The following PACS2 variants were observed in gnomAD, a reference collection of about 807,000 sequenced individuals.
The protein encoded by PACS2 is phosphofurin acidic cluster sorting protein 2, also known as PACS1-like protein.
Under a neutral mutation model 113.0 loss-of-function variants are expected in PACS2, and 36 were observed. The ratio of observed to expected loss-of-function variants is 0.32; its 90% CI spans 0.24 to 0.42. The LOEUF is 0.42. Ranked by LOEUF, PACS2 falls within the 10% of genes least tolerant of loss-of-function variation. PACS2 has a pLI of 1.00. For synonymous variants in PACS2, 589 were observed against 536.1 expected (o/e 1.10, Z -1.36); for missense variants, 1,015 against 1,239.5 (o/e 0.82, Z 2.72).
Position 105,369,889 on chromosome 14 carries a change from G to A in PACS2, c.790G>A (p.Val264Met), listed in dbSNP as rs782043163. The A allele has an allele frequency of 1.2e-6, 2 of 1,603,488 alleles. No individual in the cohort carries two copies. Among genetic ancestry groups the A allele is most frequent in the South Asian group, 1.1e-5 (1 of 90,212 alleles). Residue 264 changes from valine (V) to methionine (M), a missense_variant, in exon 8 of 25, where the codon GTG becomes ATG. Val to Met is a conservative substitution (Grantham distance 21). Transcript: ENST00000447393. ...GGTAGCGCTGCTGCGGAGGTTCAAA[G>A]TGTCCGACGAGGTGAGTGCGCCGCG... ...KVVALLRRFKVSDEVLDSEQD... is the reference protein window; with the variant it reads ...KVVALLRRFKMSDEVLDSEQD...
Position 105,348,716 on chromosome 14 carries a change from CG to C in PACS2, c.207+142del. On this transcript the variant is annotated intron_variant, in intron 2 of 24. Transcript: ENST00000447393. The surrounding 1 kb of genome is among the most constrained non-coding windows in gnomAD (Gnocchi z 6.4). ...GCAGCCCATGCCATCTCCGGGAGCC[CG>C]GGGGGCTGGGAATGACAGGATGCTC... 3 of 693,854 alleles carry C rather than the reference CG, an allele frequency of 4.3e-6. No individual in the cohort carries two copies. The highest frequency in any genetic ancestry group is 1.8e-5 in the African/African-American group (1 of 56,038). 43.0% of individuals were successfully genotyped at this position (693,854 alleles called of 1,614,324 possible).
intron 1 of PACS2, among the ~76,000 whole-genome samples, chr14:105,342,696 G>T (rs1210263511): frequency 1.3e-5 from 2 of 151,892 alleles, no homozygotes; most frequent in East Asian, 2.0e-4. Flanking sequence ...CACTTCAGGA[G>T]GCCGAGGTGG....
At chr14:105,325,367 C>T (rs892497122) in intron 1 of PACS2, among the ~76,000 whole-genome samples, 1 of 152,180 alleles carries the variant, frequency 6.6e-6, no homozygotes, top group African/African-American at 2.4e-5. Flanking sequence ...GAAGGGCCTT[C>T]AGTCCCCATG....
chr14:105,355,153 C>A lies in PACS2; in HGVS notation c.399C>A (p.Ala133=), dbSNP rs782569931. ...CCATCCTGGGCTACAAGACGCTGGCCGCGGGCTCCATCAGCATGGCTGAGG... is the reference window on the plus strand; with the variant it reads ...CCATCCTGGGCTACAAGACGCTGGCAGCGGGCTCCATCAGCATGGCTGAGG... ...NRTILGYKTL[A]AGSISMAEVM... is the part of the protein sequence containing the mutation. Residue 133 remains alanine, a synonymous_variant, in exon 4 of 25, where the codon GCC becomes GCA. Transcript: ENST00000447393. This position sits in a 1 kb window ranked among gnomAD's most constrained non-coding sequence, Gnocchi z 4.1. 2 of 1,613,272 alleles carry A rather than the reference C, an allele frequency of 1.2e-6. No homozygotes were observed. The highest frequency in any genetic ancestry group is 3.3e-5 in the Admixed American group (2 of 59,996).
intron 13 of PACS2, 64 bp downstream of exon 13, chr14:105,382,122 AGCAGGGC>A: frequency 6.7e-7 from 1 of 1,484,522 alleles, no homozygotes; most frequent in Admixed American, 2.2e-5. Flanking sequence ...CACCAACCAG[AGCAGGGC>A]AAAAAGAGAA....
intron 4 of PACS2, among the ~76,000 whole-genome samples, chr14:105,360,591 C>T (rs1038890411): frequency 1.3e-5 from 2 of 151,384 alleles, no homozygotes; most frequent in African/African-American, 2.4e-5. Context: ...TCTGAGCCTT[C>T]GGGGAGTTGT....
In PACS2 at chr14:105,389,985, G is replaced by A; in HGVS notation, c.2058G>A (p.Lys686=). 1 of 1,614,028 alleles carries A rather than the reference G, an allele frequency of 6.2e-7. No individual in the cohort carries two copies. The highest frequency in any genetic ancestry group is 8.5e-7 in the Non-Finnish European group (1 of 1,179,944). ...TLSPDEESSQ[K]FIPFVGVVKV... ...GCCCTGACGAAGAGTCCTCCCAAAA[G>A]TTCATTCCCTTTGTCGGGGTGAGTA... Residue 686 remains lysine, a synonymous_variant, in exon 20 of 25, where the codon AAG becomes AAA. Coordinates refer to ENST00000447393, the MANE Select transcript of PACS2 (RefSeq NM_001100913.3).
upstream of PACS2, among the ~76,000 whole-genome samples, chr14:105,312,439 T>C (rs966431119): frequency 6.6e-6 from 1 of 152,222 alleles, no homozygotes; most frequent in Non-Finnish European, 1.5e-5. Context: ...ATCCTCTTCT[T>C]GGACCTCCTC....
intron 19 of PACS2, 180 bp from the exon 20 acceptor site, chr14:105,389,781 G>T (rs2081295428): frequency 1.5e-6 from 1 of 655,170 alleles, no homozygotes; most frequent in African/African-American, 1.8e-5. Context: ...GCCAGGCCAG[G>T]GCTGGCAGTG....
chr14:105,396,223 CCAGCCCCTCCCAGCCA>C lies in PACS2; in HGVS notation c.*1552_*1567del, dbSNP rs1389518016. ...TAGCCTGTGTGCAGGAGGCAGAGCCCCAGCCCCTCCCAGCCAGAGCCCCTCCACACCAGGGACTCCT... is the reference window on the plus strand; with the variant it reads ...TAGCCTGTGTGCAGGAGGCAGAGCCCGAGCCCCTCCACACCAGGGACTCCT... On this transcript the variant is annotated 3_prime_UTR_variant, in exon 25 of 25. Transcript: ENST00000447393. The C allele has an allele frequency of 2.6e-5, 4 of 152,358 alleles. No individual in the cohort carries two copies. The highest frequency in any genetic ancestry group is 4.8e-5 in the African/African-American group (2 of 41,424). 9.4% of individuals were successfully genotyped at this position (152,358 alleles called of 1,614,324 possible).
intron 1 of PACS2, among the ~76,000 whole-genome samples, chr14:105,333,929 G>T (rs1441084862): frequency 1.3e-5 from 2 of 152,172 alleles, no homozygotes; most frequent in African/African-American, 4.8e-5. Context: ...TGCCTCACCC[G>T]GGCTAAAATA....
intron 1 of PACS2, among the ~76,000 whole-genome samples, chr14:105,302,204 C>CTTTT (rs1274491955): frequency 1.5e-5 from 2 of 132,784 alleles, no homozygotes; most frequent in South Asian, 2.6e-4. Context: ...TTTTTTCTTT[C>CTTTT]TTTTTTTTTT....
chr14:105,377,462 G>A (rs951940426), intron 9 of PACS2, among the ~76,000 whole-genome samples: 10 of 152,126 alleles, frequency 6.6e-5, no homozygotes, highest in Non-Finnish European at 1.3e-4. Flanking sequence ...ATGGGTCTGG[G>A]TATGGAGGCC....
At chr14:105,344,813 C>T (rs2059858346) in intron 1 of PACS2, among the ~76,000 whole-genome samples, 1 of 152,128 alleles carries the variant, frequency 6.6e-6, no homozygotes, top group African/African-American at 2.4e-5. Context: ...CTTCTAGTTT[C>T]TTAAGATGGA....
At position 105,324,368 on chromosome 14, in the gene PACS2, A is replaced by G. The variant is rs2059015683; in HGVS notation, c.119+9331A>G. ...AGGGGTGGCAGGATGGAGGTTGTAC[A>G]GTGCTTTCCCCAGGACCAGGGGGCA... On this transcript the variant is annotated intron_variant, in intron 1 of 24. Transcript: ENST00000447393. This position sits in a 1 kb window ranked among gnomAD's most constrained non-coding sequence, Gnocchi z 4.7. Among the ~76,000 whole-genome samples, 1 of 152,018 alleles carries G rather than the reference A, an allele frequency of 6.6e-6. No individual in the cohort carries two copies. Among genetic ancestry groups the G allele is most frequent in the Admixed American group, 6.5e-5 (1 of 15,276 alleles).
chr14:105,333,976 A>C (rs948672219), intron 1 of PACS2, among the ~76,000 whole-genome samples: 1 of 152,182 alleles, frequency 6.6e-6, no homozygotes, highest in Admixed American at 6.5e-5. Context: ...GGCAGGGCCC[A>C]TTCCTGCTGG....
intron 18 of PACS2, among the ~76,000 whole-genome samples, chr14:105,385,472 G>A (rs999624771): frequency 8.5e-5 from 13 of 152,134 alleles, no homozygotes; most frequent in African/African-American, 1.4e-4. Flanking sequence ...CCCGCCCGGC[G>A]CCTCCTCCCT....
rs782228619 is a variant in PACS2 at position 105,355,221 on chromosome 14, G to A, written c.423+44G>A. 21 of 1,594,510 alleles carry A rather than the reference G, an allele frequency of 1.3e-5. No homozygotes were observed. Among genetic ancestry groups the A allele is most frequent in the Non-Finnish European group, 1.7e-5 (20 of 1,169,608 alleles). On this transcript the variant is annotated intron_variant, in intron 4 of 24. Transcript: ENST00000447393. This position sits in a 1 kb window ranked among gnomAD's most constrained non-coding sequence, Gnocchi z 4.1. ...GTGGCCTGCGTCGGGCTGGCCACCT[G>A]GGTGCCAGAGCATTCGCCCGTGGGA...
chr14:105,305,964 G>A (rs587776065), intron 1 of PACS2, among the ~76,000 whole-genome samples: 6 of 152,382 alleles, frequency 3.9e-5, no homozygotes, highest in Admixed American at 2.6e-4. Context: ...TGTAAACAGG[G>A]AGAGGCTGTG....
Sources: gnomAD v4.1 joint callset for allele counts (sites outside exome capture counted in the v4.1 genomes callset) on GRCh38, gnomAD v4.1.1 for gene constraint, Gnocchi (gnomAD v3.1) non-coding constraint, MANE v1.5 for transcripts, NCBI Gene and HGNC (gene_info 2026-07-23, HGNC 2026-07-21) for gene names.